ZFHX3: variants seen among roughly 807,000 people sequenced by gnomAD.
ZFHX3 encodes the protein zinc finger homeobox 3, also known as zinc finger homeobox protein 3.
A neutral mutation model predicts 279.1 loss-of-function variants in ZFHX3; 42 were observed. That is an observed-to-expected ratio of 0.15 (90% CI 0.12 to 0.19). The LOEUF (loss-of-function observed/expected upper bound fraction) is 0.19. Among genes scored for constraint, ZFHX3 ranks in the 10% least tolerant of loss-of-function variants. The pLI is 1.00. For synonymous variants in ZFHX3, 2,293 were observed against 1,957.8 expected (o/e 1.17, Z -4.52); for missense variants, 4,981 against 4,754.0 (o/e 1.05, Z -1.40).
Position 72,866,674 on chromosome 16 carries a change from G to A in ZFHX3, c.3448+23057C>T, listed in dbSNP as rs951635463. 2.6e-5 allele frequency among the ~76,000 whole-genome samples: 4 copies of A among 152,202 alleles called. No homozygotes were observed. The South Asian group carries it at 8.3e-4, about 32-fold the overall frequency. ...AAAGAAATACAAGAGTTGAGGAGAT[G>A]GAAAAGGAAATGAGATGGGTGCTGG... is the stretch of plus-strand genomic sequence containing the variant. On this transcript the variant is annotated intron_variant, in intron 4 of 9. Transcript: ENST00000268489.
At position 72,787,696 on chromosome 16, in the gene ZFHX3, C is replaced by G; in HGVS notation, c.10580G>C (p.Gly3527Ala). 1 of 1,242,726 alleles carries G rather than the reference C, an allele frequency of 8.0e-7. No homozygotes were observed. The highest frequency in any genetic ancestry group is 1.0e-6 in the Non-Finnish European group (1 of 957,158). 77.0% of individuals were successfully genotyped at this position (1,242,726 alleles called of 1,614,324 possible). A position where few individuals can be genotyped will look rare whatever the true frequency, so the allele number is the denominator to read the frequency against. The change falls in exon 10 of 10, where the codon GGC becomes GCC. Residue 3527 changes from glycine (G) to alanine (A), a missense_variant. By Grantham distance (60) the Gly-to-Ala change is moderately conservative. Transcript: ENST00000268489. ...CTCGCACGCCAGGCAGTGGTACGAG[C>G]CGCCGCCGCCGCCGCCGCCGCCACC... ...GGGGGGGGGGGSYHCLACESA... is the reference protein window; with the variant it reads ...GGGGGGGGGGASYHCLACESA...
At chr16:73,450,516 T>G (rs2018265961) in intron 3 of ZFHX3, among the ~76,000 whole-genome samples, 1 of 152,326 alleles carries the variant, frequency 6.6e-6, no homozygotes, top group African/African-American at 2.4e-5. Flanking sequence ...GTGTTTGTGG[T>G]TTTCATCTTC....
chr16:73,346,644 G>C (rs944378748), intron 3 of ZFHX3, among the ~76,000 whole-genome samples: 1 of 152,136 alleles, frequency 6.6e-6, no homozygotes. Flanking sequence ...GCTAATTTTT[G>C]TATTTTTTGT....
chr16:72,892,666 C>G (rs897952142), intron 3 of ZFHX3, among the ~76,000 whole-genome samples: 1 of 152,086 alleles, frequency 6.6e-6, no homozygotes, highest in African/African-American at 2.4e-5. Flanking sequence ...AGCCACCACA[C>G]CTAGCTAATT....
intron 7 of ZFHX3, chr16:73,123,689 T>G (rs1026924269): frequency 6.6e-6 from 1 of 152,162 alleles, no homozygotes; most frequent in Non-Finnish European, 1.5e-5. Context: ...GTCTCAATGT[T>G]TGAGTCACCT....
At chr16:73,420,120 C>G (rs2017688378) in intron 3 of ZFHX3, 1 of 152,124 alleles carries the variant, frequency 6.6e-6, no homozygotes, top group Non-Finnish European at 1.5e-5. Flanking sequence ...GTTGTCCAGG[C>G]TTGTTTCAAA....
intron 2 of ZFHX3, among the ~76,000 whole-genome samples, chr16:73,630,452 G>T (rs1028577363): frequency 6.6e-6 from 1 of 152,198 alleles, no homozygotes; most frequent in African/African-American, 2.4e-5. Flanking sequence ...AGCAGCTTAA[G>T]ACAATTTTAC....
intron 2 of ZFHX3, among the ~76,000 whole-genome samples, chr16:72,952,084 C>T (rs1472429424): frequency 6.6e-6 from 1 of 152,060 alleles, no homozygotes; most frequent in African/African-American, 2.4e-5. Context: ...ACAAAATATA[C>T]AAAAGAAACT....
chr16:73,522,796 C>A (rs576802730), intron 2 of ZFHX3, among the ~76,000 whole-genome samples: 1 of 152,288 alleles, frequency 6.6e-6, no homozygotes, highest in South Asian at 2.1e-4. Flanking sequence ...AACTGACTCC[C>A]AGTTCCACCT....
rs142915424 is a variant in ZFHX3 at position 72,909,363 on chromosome 16, A to G, written c.3217-19401T>C. 2.1e-3 allele frequency among the ~76,000 whole-genome samples: 323 copies of G among 152,288 alleles called. 1 individual carries two copies. The highest frequency in any genetic ancestry group is 7.6e-3 in the African/African-American group (316 of 41,566). ...AAAGAATAGGCATGACTGTGTTCCA[A>G]TAAAACTTTATTTATGGAGACAAAT... On this transcript the variant is annotated intron_variant, in intron 3 of 9. Transcript: ENST00000268489.
At chr16:72,835,060 C>A (rs1254552389) in intron 4 of ZFHX3, among the ~76,000 whole-genome samples, 2 of 152,114 alleles carry the variant, frequency 1.3e-5, no homozygotes, top group Admixed American at 1.3e-4. Context: ...GTATCTGTAC[C>A]CGAGGCTCTC....
intron 4 of ZFHX3, among the ~76,000 whole-genome samples, chr16:72,834,179 T>C (rs1215722332): frequency 1.3e-5 from 2 of 152,150 alleles, no homozygotes; most frequent in African/African-American, 2.4e-5. Context: ...GCCCAGGCAG[T>C]TGAGGCTGCA....
At chr16:73,573,815 A>G (rs2051767459) in intron 2 of ZFHX3, among the ~76,000 whole-genome samples, 1 of 152,204 alleles carries the variant, frequency 6.6e-6, no homozygotes, top group Non-Finnish European at 1.5e-5. Context: ...GTAATGACCT[A>G]TTACACAGTA....
chr16:72,861,789 C>A (rs891582044), intron 4 of ZFHX3, among the ~76,000 whole-genome samples: 4 of 152,094 alleles, frequency 2.6e-5, no homozygotes, highest in South Asian at 4.2e-4. Flanking sequence ...CAGAGGCGGG[C>A]GGGTCACTTA....
intron 1 of ZFHX3, among the ~76,000 whole-genome samples, chr16:73,751,356 A>G (rs572907856): frequency 6.6e-6 from 1 of 152,352 alleles, no homozygotes; most frequent in South Asian, 2.1e-4. Flanking sequence ...CATGAGTAGA[A>G]AAAACACAGT....
At chr16:73,855,629 T>G (rs1368826260) in intron 1 of ZFHX3, among the ~76,000 whole-genome samples, 1 of 151,810 alleles carries the variant, frequency 6.6e-6, no homozygotes, top group Non-Finnish European at 1.5e-5. Flanking sequence ...TAGACAAGAG[T>G]GAAAAACACA....
intron 5 of ZFHX3, among the ~76,000 whole-genome samples, chr16:72,823,838 C>T (rs868269643): frequency 8.5e-5 from 13 of 152,230 alleles, no homozygotes; most frequent in Middle Eastern, 6.8e-3. Context: ...AACTTAGTGG[C>T]GGAATTAGGC....
At chr16:72,951,818 A>C (rs565267801) in intron 2 of ZFHX3, among the ~76,000 whole-genome samples, 1 of 152,214 alleles carries the variant, frequency 6.6e-6, no homozygotes, top group Non-Finnish European at 1.5e-5. Context: ...TGCAGCAGTC[A>C]CTGGCTACCT....
upstream of ZFHX3, among the ~76,000 whole-genome samples, chr16:73,049,184 G>A (rs1013793987): frequency 2.0e-5 from 3 of 151,878 alleles, no homozygotes; most frequent in Non-Finnish European, 4.4e-5. Context: ...AAATCTCACC[G>A]GAAGTCCTCT....
Sources: gnomAD v4.1 joint callset for allele counts (sites outside exome capture counted in the v4.1 genomes callset) on GRCh38, gnomAD v4.1.1 for gene constraint, MANE v1.5 for transcripts, NCBI Gene and HGNC (gene_info 2026-07-23, HGNC 2026-07-21) for gene names.